Variants in TMEM45B observed in about 807,000 individuals in gnomAD.
The protein encoded by TMEM45B is transmembrane protein 45B.
In TMEM45B, 29 loss-of-function variants were observed where a neutral mutation model predicts 27.3. The observed-to-expected ratio is 1.06, with a 90% CI of 0.79 to 1.45. The LOEUF is 1.45. Among genes scored for constraint, TMEM45B ranks in the 40% most tolerant of loss-of-function variants. TMEM45B has a pLI of 0.00. For missense variants in TMEM45B, 348 were observed against 343.9 expected, an observed-to-expected ratio of 1.01 and a Z score of -0.09; for synonymous variants, 143 against 134.7, an observed-to-expected ratio of 1.06 and a Z score of -0.43.
intron 1 of TMEM45B, among the ~76,000 whole-genome samples, chr11:129,837,585 C>CTTTTTTTTTTTTTTTTTTCTTTTTTT (rs200040338): frequency 1.2e-5 from 1 of 80,294 alleles, no homozygotes; most frequent in Non-Finnish European, 2.5e-5. Context: ...CTGCACTGGG[C>CTTTTTTTTTTTTTTTTTTCTTTTTTT]TTTTTTTTTT....
At chr11:129,826,171 T>A (rs534619731) in intron 1 of TMEM45B, among the ~76,000 whole-genome samples, 1 of 152,188 alleles carries the variant, frequency 6.6e-6, no homozygotes, top group South Asian at 2.1e-4. Flanking sequence ...TTCGTTTTTG[T>A]GATGTATTAA....
intron 1 of TMEM45B, among the ~76,000 whole-genome samples, chr11:129,851,436 C>T (rs1247311178): frequency 2.0e-5 from 3 of 147,502 alleles, no homozygotes; most frequent in East Asian, 2.0e-4. Context: ...TCCAGCTACT[C>T]GGGAGGCTGA....
chr11:129,856,575 TC>T (rs66508323), intron 4 of TMEM45B, among the ~76,000 whole-genome samples: 50,784 of 91,534 alleles, frequency 0.55, 14,779 homozygotes, highest in East Asian at 0.6. Context: ...TTTTTTTTTT[TC>T]TGAGACAGAG....
intron 1 of TMEM45B, among the ~76,000 whole-genome samples, chr11:129,833,435 A>C (rs1352792954): frequency 6.6e-6 from 1 of 152,028 alleles, no homozygotes; most frequent in Non-Finnish European, 1.5e-5. Context: ...TCAAGTTAAA[A>C]TGAGGTCATT....
intron 1 of TMEM45B, among the ~76,000 whole-genome samples, chr11:129,847,412 T>TTTTTATTTTA (rs1947776110): frequency 2.0e-5 from 3 of 151,490 alleles, no homozygotes; most frequent in South Asian, 2.1e-4. Flanking sequence ...AAGTTATTTT[T>TTTTTATTTTA]TTTTATTTTT....
At chr11:129,857,168 G>C in intron 4 of TMEM45B, 145 bp from the exon 5 acceptor site, 2 of 950,008 alleles carry the variant, frequency 2.1e-6, no homozygotes, top group Non-Finnish European at 3.2e-6. Context: ...ATTTTTCTAT[G>C]TGAAAAGGCC....
chr11:129,823,061 G>T (rs887031803), intron 1 of TMEM45B, among the ~76,000 whole-genome samples: 1 of 151,692 alleles, frequency 6.6e-6, no homozygotes, highest in Non-Finnish European at 1.5e-5. Context: ...GGCTGGTCTC[G>T]AACCCCTGAC....
chr11:129,843,271 G>T (rs566632355), intron 1 of TMEM45B, among the ~76,000 whole-genome samples: 108 of 152,300 alleles, frequency 7.1e-4, no homozygotes, highest in African/African-American at 2.4e-3. Flanking sequence ...ATTGCCCTAT[G>T]ATCTCAGTTC....
chr11:129,857,452 T>G lies in TMEM45B; in HGVS notation c.710T>G (p.Val237Gly). 1 of 1,614,094 alleles carries G rather than the reference T, an allele frequency of 6.2e-7. No individual in the cohort carries two copies. The highest frequency in any genetic ancestry group is 8.5e-7 in the Non-Finnish European group (1 of 1,180,002). ...ATTGTGGCCGTCAACTATTCTCTTG[T>G]TTACTGGTATGTCTGAGACTTCAGT... ...LSIVAVNYSL[V>G]YCLLTRMKRH... The change falls in exon 5 of 6, where the codon GTT (valine) becomes GGT (glycine). Residue 237 changes from valine to glycine, a missense_variant. Physicochemically the swap from Val to Gly is moderately radical, Grantham distance 109. Transcript: ENST00000281441.
rs896592099 is a variant in TMEM45B, at chr11:129,859,410, G to A, written c.*725G>A. On this transcript the variant is annotated 3_prime_UTR_variant, in exon 6 of 6. Coordinates refer to ENST00000281441, the MANE Select transcript of TMEM45B (RefSeq NM_138788.5). ...AGATCTGACAGGAAAGCTGTATAAT[G>A]AGATAGAAAAACGTCAGGTATGGAA... The A allele has an allele frequency of 2.6e-5, 4 of 152,152 alleles. No homozygotes were observed. The highest frequency in any genetic ancestry group is 9.7e-5 in the African/African-American group (4 of 41,434). The allele number at this position is 152,152 out of a possible 1,614,324, so 9.4% of individuals were successfully genotyped here.
At chr11:129,848,092 A>G (rs4323875) in intron 1 of TMEM45B, among the ~76,000 whole-genome samples, 49,719 of 145,460 alleles carry the variant, frequency 0.34, 8,494 homozygotes, top group African/African-American at 0.44. Flanking sequence ...AGGCAGAGAC[A>G]CTCCTCACTT....
At chr11:129,836,842 G>A (rs1186422582) in intron 1 of TMEM45B, among the ~76,000 whole-genome samples, 2 of 152,188 alleles carry the variant, frequency 1.3e-5, no homozygotes, top group Non-Finnish European at 2.9e-5. Flanking sequence ...GCCATCAAAA[G>A]GACTCAGTGG....
At chr11:129,849,165 A>G (rs1487023795) in intron 1 of TMEM45B, among the ~76,000 whole-genome samples, 1 of 152,222 alleles carries the variant, frequency 6.6e-6, no homozygotes, top group African/African-American at 2.4e-5. Context: ...GTCAGGTGTG[A>G]GAGAGACTCA....
chr11:129,822,798 A>G (rs1211865506), intron 1 of TMEM45B, among the ~76,000 whole-genome samples: 2 of 151,450 alleles, frequency 1.3e-5, no homozygotes, highest in East Asian at 3.9e-4. Flanking sequence ...TTACTTTTTG[A>G]TAACCATTTG....
chr11:129,836,771 CTG>C (rs1947625183), intron 1 of TMEM45B, among the ~76,000 whole-genome samples: 1 of 152,146 alleles, frequency 6.6e-6, no homozygotes, highest in Admixed American at 6.6e-5. Context: ...GTGTGTGGTA[CTG>C]TGTTACCAGC....
Position 129,850,765 on chromosome 11 carries a change from T to C in TMEM45B, c.-8-1710T>C, listed in dbSNP as rs114052125. Reference sequence around the variant, plus strand: ...TTAGGCAATCTCTAAGAACGAGGCTTTCCCCACAGCTCATATCCCACATCT... The same window carrying C: ...TTAGGCAATCTCTAAGAACGAGGCTCTCCCCACAGCTCATATCCCACATCT... On this transcript the variant is annotated intron_variant, in intron 1 of 5. Coordinates refer to ENST00000281441, the MANE Select transcript of TMEM45B (RefSeq NM_138788.5). Among the ~76,000 whole-genome samples the C allele has an allele frequency of 2.0e-3, 304 of 152,296 alleles. 2 individuals are homozygous for C. The highest frequency in any genetic ancestry group is 6.9e-3 in the African/African-American group (287 of 41,554).
At position 129,855,817 on chromosome 11, in the gene TMEM45B, G is replaced by T; in HGVS notation, c.495G>T (p.Val165=). ...GGTGTGTTAGTATCTCCCTAGAGGT[G>T]ATCTTCCGGGACCACATTGTGCTGG... ...FGGCVSISLE[V]IFRDHIVLEL... is the part of the protein sequence containing the mutation. Residue 165 remains valine (V), a synonymous_variant, in exon 4 of 6, where the codon GTG becomes GTT. Transcript: ENST00000281441. The T allele has an allele frequency of 6.2e-7, 1 of 1,614,124 alleles. No homozygotes were observed. The highest frequency in any genetic ancestry group is 8.5e-7 in the Non-Finnish European group (1 of 1,180,032).
Position 129,858,590 on chromosome 11 carries a change from AAG to A in TMEM45B, c.737_738del (p.Arg246ThrfsTer16). 1 of 1,586,700 alleles carries A rather than the reference AAG, an allele frequency of 6.3e-7. No homozygotes were observed. The highest frequency in any genetic ancestry group is 1.2e-5 in the South Asian group (1 of 86,674). ...CTATTAAAGCCTTTTGACTCGGATG[AAG>A]AGACACGGAAGGGGAGAAATCATTG... ...SLVYCLLTRM[K>X]RHGRGEIIGI... On this transcript the variant is annotated frameshift_variant, in exon 6 of 6. Transcript: ENST00000281441. LOFTEE classifies it high-confidence loss of function.
At chr11:129,832,467 T>G (rs1323739897) in intron 1 of TMEM45B, among the ~76,000 whole-genome samples, 2 of 152,116 alleles carry the variant, frequency 1.3e-5, no homozygotes, top group Non-Finnish European at 2.9e-5. Context: ...TCTTGTATGA[T>G]TTAATTTACA....
Sources: allele counts gnomAD v4.1 joint callset (sites outside exome capture counted in the v4.1 genomes callset), GRCh38; gene constraint gnomAD v4.1.1; transcripts MANE v1.5; gene names NCBI Gene and HGNC (gene_info 2026-07-23, HGNC 2026-07-21).